The following PRKCB variants were observed in gnomAD, a reference collection of about 807,000 sequenced individuals.
PRKCB encodes the protein protein kinase C beta, also known as protein kinase C beta type.
PRKCB carries 13 observed loss-of-function variants against 81.5 expected under a neutral mutation model. The ratio of observed to expected loss-of-function variants is 0.16; its 90% CI spans 0.10 to 0.25. The LOEUF (loss-of-function observed/expected upper bound fraction) is 0.25, where lower values mean the gene tolerates loss of function less well. Ranked by LOEUF, PRKCB falls within the 10% of genes least tolerant of loss-of-function variation. The pLI is 1.00. For missense variants in PRKCB, 509 were observed against 875.7 expected (o/e 0.58, Z 5.29); for synonymous variants, 335 against 321.4 (o/e 1.04, Z -0.45).
chr16:24,004,126 C>T (rs190369325), intron 3 of PRKCB, among the ~76,000 whole-genome samples: 57 of 151,938 alleles, frequency 3.8e-4, no homozygotes, highest in African/African-American at 1.3e-3. Context: ...AGCAAGGAAC[C>T]GTGGAATCTG....
In PRKCB at chr16:23,929,996, T is replaced by G. The variant is rs192470159; in HGVS notation, c.206-58512T>G. Among the ~76,000 whole-genome samples the G allele has an allele frequency of 4.2e-3, 641 of 152,130 alleles. 6 individuals carry two copies. Among genetic ancestry groups the G allele is most frequent in the Non-Finnish European group, 6.9e-3 (469 of 67,934 alleles). ...TAACATTTTATATGTGTAAGACATC[T>G]CTCTACCATCTGCTATGGTCGAAAT... On this transcript the variant is annotated intron_variant, in intron 2 of 16. Coordinates refer to ENST00000643927, the MANE Select transcript of PRKCB (RefSeq NM_002738.7).
chr16:23,877,440 C>T (rs973226300), intron 2 of PRKCB, among the ~76,000 whole-genome samples: 1 of 152,194 alleles, frequency 6.6e-6, no homozygotes, highest in African/African-American at 2.4e-5. Flanking sequence ...TTGAGTCACA[C>T]GACCATCTCT....
chr16:24,084,426 T>C (rs1236188505), intron 5 of PRKCB, among the ~76,000 whole-genome samples: 1 of 151,902 alleles, frequency 6.6e-6, no homozygotes, highest in Non-Finnish European at 1.5e-5. Flanking sequence ...TTTACAGAAA[T>C]ACCATAATAG....
intron 3 of PRKCB, among the ~76,000 whole-genome samples, chr16:23,998,167 T>A (rs895470621): frequency 1.3e-5 from 2 of 152,208 alleles, no homozygotes; most frequent in African/African-American, 4.8e-5. Context: ...CCTTTGGGTG[T>A]TGGTGCTCCA....
chr16:24,060,594 C>G (rs964803395), intron 5 of PRKCB, among the ~76,000 whole-genome samples: 5 of 152,344 alleles, frequency 3.3e-5, no homozygotes, highest in Non-Finnish European at 7.3e-5. Flanking sequence ...TCTGACCACT[C>G]ACGGCTTCAG....
rs576441122 is a variant in PRKCB at position 24,028,228 on chromosome 16, A to G, written c.289-3908A>G. Among the ~76,000 whole-genome samples, 4 of 152,288 alleles carry G rather than the reference A, an allele frequency of 2.6e-5. No homozygotes were observed. The South Asian group carries it at 6.2e-4, about 24-fold the overall frequency. ...CTCAGCCTCCCAAGTAGCTGGGACT[A>G]CAGGTGCATGCCACTATGCCCAGCT... On this transcript the variant is annotated intron_variant, in intron 3 of 16. Transcript: ENST00000643927.
At chr16:24,104,064 C>CA (rs1966546127) in intron 7 of PRKCB, among the ~76,000 whole-genome samples, 1 of 152,120 alleles carries the variant, frequency 6.6e-6, no homozygotes, top group South Asian at 2.1e-4. Flanking sequence ...CTCGGCCTCC[C>CA]AAAGTGCTGG....
chr16:23,922,917 AT>A (rs1315565168), intron 2 of PRKCB, among the ~76,000 whole-genome samples: 1 of 151,336 alleles, frequency 6.6e-6, no homozygotes, highest in Non-Finnish European at 1.5e-5. Context: ...TGTTACAGAC[AT>A]AGTTTAGATT....
At chr16:23,971,867 T>A (rs971326400) in intron 2 of PRKCB, among the ~76,000 whole-genome samples, 2 of 152,162 alleles carry the variant, frequency 1.3e-5, no homozygotes, top group African/African-American at 4.8e-5. Context: ...TCTTATTAAG[T>A]TAAACATAGA....
intron 2 of PRKCB, among the ~76,000 whole-genome samples, chr16:23,884,819 G>A (rs1963173972): frequency 6.6e-6 from 1 of 152,172 alleles, no homozygotes. Flanking sequence ...AGGATGACAG[G>A]TGTGAGCCAC....
intron 3 of PRKCB, among the ~76,000 whole-genome samples, chr16:24,027,830 C>T (rs548836355): frequency 2.2e-4 from 33 of 152,294 alleles, no homozygotes; most frequent in African/African-American, 7.7e-4. Context: ...AGTCCAGTGG[C>T]GTGATCATAG....
At chr16:24,073,454 CT>C (rs1405458526) in intron 5 of PRKCB, among the ~76,000 whole-genome samples, 1 of 152,210 alleles carries the variant, frequency 6.6e-6, no homozygotes, top group Non-Finnish European at 1.5e-5. Context: ...GCCTCAGCCC[CT>C]TGAGTTACTG....
intron 13 of PRKCB, among the ~76,000 whole-genome samples, chr16:24,181,690 C>T (rs760914547): frequency 6.8e-6 from 1 of 148,016 alleles, no homozygotes; most frequent in Non-Finnish European, 1.5e-5. Context: ...TCACCTGAGC[C>T]CCAGGAGGTC....
intron 9 of PRKCB, among the ~76,000 whole-genome samples, chr16:24,138,482 T>C (rs1426652428): frequency 6.6e-6 from 1 of 152,242 alleles, no homozygotes; most frequent in Non-Finnish European, 1.5e-5. Flanking sequence ...ACTATCCAGC[T>C]TTGTCAAATA....
rs1965601675 is a variant in PRKCB, at chr16:24,035,403, C to T, written c.401-16C>T. The T allele has an allele frequency of 6.2e-7, 1 of 1,612,466 alleles. No individual in the cohort carries two copies. The highest frequency in any genetic ancestry group is 1.7e-5 in the Admixed American group (1 of 59,896). On this transcript the variant is annotated splice_polypyrimidine_tract_variant and intron_variant, in intron 4 of 16. Transcript: ENST00000643927. The stretch of plus-strand genomic sequence containing the variant: ...TGGGCCAGCCTAAGCCACATCCCCT[C>T]TCTCTGCCCTCACAGCCTGCATGAT...
intron 3 of PRKCB, among the ~76,000 whole-genome samples, chr16:24,021,998 T>C (rs112703055): frequency 6.6e-6 from 1 of 152,282 alleles, no homozygotes; most frequent in Admixed American, 6.5e-5. Context: ...GCTTGCCTAA[T>C]ACCAGGCATG....
At chr16:24,187,048 G>A (rs1310568549) in intron 15 of PRKCB, among the ~76,000 whole-genome samples, 1 of 151,804 alleles carries the variant, frequency 6.6e-6, no homozygotes, top group African/African-American at 2.4e-5. Flanking sequence ...ACAGGCCCCC[G>A]TAGACAAGTT....
chr16:23,842,523 G>A (rs1962284795), intron 2 of PRKCB, among the ~76,000 whole-genome samples: 1 of 152,106 alleles, frequency 6.6e-6, no homozygotes, highest in Non-Finnish European at 1.5e-5. Flanking sequence ...ACCAGTGAGT[G>A]CTCAGTTCAG....
At position 24,216,385 on chromosome 16, in the gene PRKCB, G is replaced by A. The variant is rs1311641066; in HGVS notation, c.*1569G>A. 2.0e-6 allele frequency: 2 copies of A among 985,288 alleles called. No homozygotes were observed. Among genetic ancestry groups the A allele is most frequent in the African/African-American group, 3.5e-5 (2 of 57,216 alleles). The allele number at this position is 985,288 out of a possible 1,614,324, so 61.0% of individuals were successfully genotyped here. On this transcript the variant is annotated 3_prime_UTR_variant, in exon 17 of 17. Transcript: ENST00000643927. ...TGAAGCCCAAGGAAACCCTTCGGTG[G>A]GAGAAATTTCATTTCTGTCTGAGAG...
Sources: gnomAD v4.1 joint callset for allele counts (sites outside exome capture counted in the v4.1 genomes callset) on GRCh38, gnomAD v4.1.1 for gene constraint, MANE v1.5 for transcripts, NCBI Gene and HGNC (gene_info 2026-07-23, HGNC 2026-07-21) for gene names.